LZTFL1: variants seen among roughly 807,000 people sequenced by gnomAD.
LZTFL1 encodes the protein leucine zipper transcription factor like 1, also known as leucine zipper transcription factor-like protein 1.
A neutral mutation model predicts 45.9 loss-of-function variants in LZTFL1; 25 were observed. The observed-to-expected ratio is 0.54, with a 90% CI of 0.40 to 0.76. LZTFL1 has a LOEUF of 0.76. Ranked by LOEUF, LZTFL1 falls within the 30% of genes least tolerant of loss-of-function variation. The pLI is 0.00. For missense variants in LZTFL1, 277 were observed against 331.1 expected, an observed-to-expected ratio of 0.84 and a Z score of 1.27; for synonymous variants, 93 against 117.4, an observed-to-expected ratio of 0.79 and a Z score of 1.35.
upstream of LZTFL1, among the ~76,000 whole-genome samples, chr3:45,846,276 G>T (rs966853846): frequency 7.2e-5 from 11 of 152,124 alleles, no homozygotes; most frequent in Non-Finnish European, 1.3e-4. Context: ...GAATTATTTA[G>T]TTCTCATGAC....
At chr3:45,838,685 A>T (rs1367670201) in intron 1 of LZTFL1, among the ~76,000 whole-genome samples, 2 of 152,262 alleles carry the variant, frequency 1.3e-5, no homozygotes, top group Non-Finnish European at 2.9e-5. Context: ...AGGCAAGCCC[A>T]TGGAGGTAGG....
intron 2 of LZTFL1, among the ~76,000 whole-genome samples, chr3:45,876,830 A>G (rs1044056840): frequency 6.6e-6 from 1 of 152,124 alleles, no homozygotes; most frequent in Non-Finnish European, 1.5e-5. Context: ...GAAACCTTAA[A>G]ATGAAAAGAG....
chr3:45,850,938 G>T (rs925946597), intron 4 of LZTFL1, among the ~76,000 whole-genome samples: 1 of 152,078 alleles, frequency 6.6e-6, no homozygotes, highest in Non-Finnish European at 1.5e-5. Flanking sequence ...ATTTCTGCAG[G>T]TGACCTGCAG....
intron 2 of LZTFL1, among the ~76,000 whole-genome samples, chr3:45,881,245 C>T (rs1007762701): frequency 1.3e-5 from 2 of 152,196 alleles, no homozygotes. Context: ...TATCTAACGA[C>T]CTGCTAGACA....
In LZTFL1 at chr3:45,897,639, C is replaced by T. The variant is rs1416796524; in HGVS notation, c.-215+15481G>A. On this transcript the variant is annotated intron_variant, in intron 2 of 4. Transcript: ENST00000472635. ...CTCCTTCCAGGACCTTAGCCCAGGA[C>T]TAACACAGCTAAGTGATGCTGGCCT... The T allele has an allele frequency of 1.1e-5, 17 of 1,527,870 alleles. No individual in the cohort carries two copies. In the East Asian group the frequency reaches 4.2e-4, roughly 38 times the overall value. 94.6% of individuals were successfully genotyped at this position (1,527,870 alleles called of 1,614,324 possible).
chr3:45,887,992 G>A (rs1385438455), intron 2 of LZTFL1, among the ~76,000 whole-genome samples: 1 of 152,246 alleles, frequency 6.6e-6, no homozygotes, highest in Non-Finnish European at 1.5e-5. Context: ...TGTTAGTGCT[G>A]TAAGCATCAG....
Position 45,900,992 on chromosome 3 carries a change from T to G in LZTFL1, c.-215+12128A>C, listed in dbSNP as rs1272826300. ...TCGTGGGTGCCTTGGGCAACAGTCT[T>G]GTTATCCTTGTCTACTGGTACTGCA... is the stretch of plus-strand genomic sequence containing the variant. On this transcript the variant is annotated intron_variant, in intron 2 of 4. Transcript: ENST00000472635. This position sits in a 1 kb window ranked among gnomAD's most constrained non-coding sequence, Gnocchi z 4.7. 3 of 1,614,196 alleles carry G rather than the reference T, an allele frequency of 1.9e-6. No individual in the cohort carries two copies. The highest frequency in any genetic ancestry group is 1.3e-5 in the African/African-American group (1 of 75,058).
chr3:45,889,924 G>C (rs1016029932), intron 2 of LZTFL1, among the ~76,000 whole-genome samples: 1 of 151,442 alleles, frequency 6.6e-6, no homozygotes, highest in African/African-American at 2.4e-5. Context: ...TCTTTTGTGA[G>C]AATACCAGTA....
chr3:45,877,207 T>TGA (rs1325843422), intron 2 of LZTFL1, among the ~76,000 whole-genome samples: 3 of 152,002 alleles, frequency 2.0e-5, no homozygotes, highest in Non-Finnish European at 4.4e-5. Context: ...CTGTGAGTGC[T>TGA]GCTTCACCTT....
intron 4 of LZTFL1, among the ~76,000 whole-genome samples, chr3:45,833,819 A>G (rs1035048174): frequency 1.7e-4 from 26 of 152,200 alleles, no homozygotes; most frequent in Non-Finnish European, 2.2e-4. Flanking sequence ...AGAGAGGTAG[A>G]TAACTACTAG....
chr3:45,824,685 G>C lies in LZTFL1; in HGVS notation c.*1629C>G. On this transcript the variant is annotated 3_prime_UTR_variant, in exon 10 of 10. Transcript: ENST00000296135. ...GGTGTAGGGAGAAAATAATTGAATG[G>C]TTTCTGAAGGCCACACTAGCCCTTT... The C allele has an allele frequency of 2.5e-6, 1 of 396,574 alleles. No homozygotes were observed. 24.6% of individuals were successfully genotyped at this position (396,574 alleles called of 1,614,324 possible). A position where few individuals can be genotyped will look rare whatever the true frequency, so the allele number is the denominator to read the frequency against.
At chr3:45,848,846 T>C (rs1295612263) in intron 4 of LZTFL1, among the ~76,000 whole-genome samples, 6 of 152,262 alleles carry the variant, frequency 3.9e-5, no homozygotes, top group Admixed American at 3.9e-4. Flanking sequence ...ACATATATTT[T>C]ATGCATTAAT....
At chr3:45,894,474 TAGCTGATAG>T (rs1702287565) in intron 2 of LZTFL1, among the ~76,000 whole-genome samples, 1 of 152,158 alleles carries the variant, frequency 6.6e-6, no homozygotes, top group Non-Finnish European at 1.5e-5. Flanking sequence ...GTGAGTCCCT[TAGCTGATAG>T]AGCAGGGGGA....
At chr3:45,843,633 A>G (rs113546465), upstream of LZTFL1, among the ~76,000 whole-genome samples, 3,884 of 152,340 alleles carry the variant, frequency 0.025, 72 homozygotes, top group Non-Finnish European at 0.041. Flanking sequence ...TTTGTTCTGC[A>G]AAACTCCATC....
At chr3:45,854,029 G>A (rs930479877) in intron 4 of LZTFL1, among the ~76,000 whole-genome samples, 3 of 152,114 alleles carry the variant, frequency 2.0e-5, no homozygotes, top group African/African-American at 7.2e-5. Context: ...CCTTGTCTCA[G>A]GTCTGCACCA....
chr3:45,913,147 C>T (rs1197794793), exon 2 of LZTFL1: 3 of 1,536,028 alleles, frequency 2.0e-6, no homozygotes, highest in East Asian at 4.9e-5. Context: ...GGTTCCTCAT[C>T]TGTAAAAGTG....
chr3:45,838,810 A>G (rs544419595), intron 1 of LZTFL1, among the ~76,000 whole-genome samples: 4 of 152,370 alleles, frequency 2.6e-5, no homozygotes, highest in South Asian at 2.1e-4. Context: ...TTTAGGTGGC[A>G]TAAGTCTTTA....
intron 2 of LZTFL1, among the ~76,000 whole-genome samples, chr3:45,898,363 C>G (rs183962249): frequency 5.9e-5 from 9 of 152,196 alleles, no homozygotes; most frequent in Non-Finnish European, 2.9e-5. Flanking sequence ...TCTGTCCTCT[C>G]GAGAGACTGG....
chr3:45,880,242 G>A (rs1701828072), intron 2 of LZTFL1, among the ~76,000 whole-genome samples: 1 of 152,192 alleles, frequency 6.6e-6, no homozygotes, highest in African/African-American at 2.4e-5. Flanking sequence ...GGTAGCTCAG[G>A]CCTGCAATCC....
Sources: gnomAD v4.1 joint callset for allele counts (sites outside exome capture counted in the v4.1 genomes callset) on GRCh38, gnomAD v4.1.1 for gene constraint, Gnocchi (gnomAD v3.1) non-coding constraint, MANE v1.5 for transcripts, NCBI Gene and HGNC (gene_info 2026-07-23, HGNC 2026-07-21) for gene names.